TMEM143: variants seen among roughly 807,000 people sequenced by gnomAD.
TMEM143 encodes transmembrane protein 143.
Under a neutral mutation model 40.3 loss-of-function variants are expected in TMEM143, and 45 were observed. The ratio of observed to expected loss-of-function variants is 1.12; its 90% CI spans 0.88 to 1.43. The LOEUF is 1.43. Ranked by LOEUF, TMEM143 falls within the 40% of genes most tolerant of loss-of-function variation. TMEM143 has a pLI of 0.00. For missense variants in TMEM143, 620 were observed against 613.4 expected (o/e 1.01, Z -0.11); for synonymous variants, 299 against 282.7 (o/e 1.06, Z -0.58).
intron 3 of TMEM143, among the ~76,000 whole-genome samples, chr19:48,348,915 C>T (rs1263234888): frequency 6.6e-6 from 1 of 152,174 alleles, no homozygotes; most frequent in African/African-American, 2.4e-5. Context: ...ATTGCTCATG[C>T]CTGTAATCCC....
At chr19:48,352,724 A>G (rs1023629247) in intron 3 of TMEM143, among the ~76,000 whole-genome samples, 1 of 151,790 alleles carries the variant, frequency 6.6e-6, no homozygotes, top group South Asian at 2.1e-4. Flanking sequence ...GCAGTGAGCC[A>G]AGATCACACC....
intron 3 of TMEM143, among the ~76,000 whole-genome samples, chr19:48,346,808 C>A (rs951416252): frequency 6.6e-6 from 1 of 152,096 alleles, no homozygotes; most frequent in Non-Finnish European, 1.5e-5. Context: ...GAACTCCTGA[C>A]CTCAAGCGAT....
chr19:48,357,626 G>A (rs997329468), intron 3 of TMEM143, among the ~76,000 whole-genome samples: 1 of 151,978 alleles, frequency 6.6e-6, no homozygotes, highest in Admixed American at 6.6e-5. Context: ...AAAGTGCTGG[G>A]ATTACAGGCA....
rs1206948139 is a variant in TMEM143 at position 48,334,028 on chromosome 19, C to T, written c.1145G>A (p.Gly382Asp). The change falls in exon 7 of 8, where the codon GGC (glycine) becomes GAC (aspartate). Residue 382 changes from glycine to aspartate, a missense_variant. Transcript: ENST00000293261. ...CCTACCTTCGGGCGAGCCTTGAGTG[C>T]CCCCTGGCCGCCGGGCCAGGAAGCT... is the stretch of plus-strand genomic sequence containing the variant. ...AHSFLARRPGGTQGSPEETSR... is the reference protein window; with the variant it reads ...AHSFLARRPGDTQGSPEETSR... 2 of 1,559,828 alleles carry T rather than the reference C, an allele frequency of 1.3e-6. No individual in the cohort carries two copies. The highest frequency in any genetic ancestry group is 1.7e-6 in the Non-Finnish European group (2 of 1,155,540).
At position 48,332,503 on chromosome 19, in the gene TMEM143, A is replaced by AC. The variant is rs1405452804; in HGVS notation, c.*715dup. 6.6e-6 allele frequency: 1 copy of AC among 152,020 alleles called. No individual in the cohort carries two copies. The highest frequency in any genetic ancestry group is 1.5e-5 in the Non-Finnish European group (1 of 68,006). 9.4% of individuals were successfully genotyped at this position (152,020 alleles called of 1,614,324 possible). On this transcript the variant is annotated 3_prime_UTR_variant, in exon 8 of 8. Transcript: ENST00000293261. Reference sequence around the variant, plus strand: ...GGTGAAAGACCTGGGCGAGGAAGGCACCTGAGGTTGCCGGGAGCCAGGTTG... The same window carrying AC: ...GGTGAAAGACCTGGGCGAGGAAGGCACCCTGAGGTTGCCGGGAGCCAGGTTG...
intron 3 of TMEM143, among the ~76,000 whole-genome samples, chr19:48,349,032 A>G (rs1969707543): frequency 6.6e-6 from 1 of 152,082 alleles, no homozygotes; most frequent in African/African-American, 2.4e-5. Flanking sequence ...ATACATTTAT[A>G]TATATAAAAA....
Position 48,363,284 on chromosome 19 carries a change from G to A in TMEM143, c.264+7C>T. 1 of 1,612,276 alleles carries A rather than the reference G, an allele frequency of 6.2e-7. No individual in the cohort carries two copies. The highest frequency in any genetic ancestry group is 8.5e-7 in the Non-Finnish European group (1 of 1,179,060). On this transcript the variant is annotated splice_region_variant and intron_variant, in intron 2 of 7. Coordinates refer to ENST00000293261, the MANE Select transcript of TMEM143 (RefSeq NM_018273.4). ...CCCCAGGCTCTTGGGCCTGGGACAG[G>A]CGGTACCTGTATTAGGAGGCGGAGC...
chr19:48,340,097 C>CA (rs1969456266), intron 6 of TMEM143, among the ~76,000 whole-genome samples: 1 of 148,412 alleles, frequency 6.7e-6, no homozygotes, highest in Non-Finnish European at 1.5e-5. Flanking sequence ...TTCATGAATA[C>CA]ACTAAATTAA....
chr19:48,343,305 A>C lies in TMEM143; in HGVS notation c.695+16T>G, dbSNP rs770482552. 25 of 1,607,562 alleles carry C rather than the reference A, an allele frequency of 1.6e-5. No individual in the cohort carries two copies. The South Asian group carries it at 2.7e-4, about 17-fold the overall frequency. ...TGCTCCCTCTTGCTGCAGCTGGGGA[A>C]CAAGGGCCGCCTCACCTCTCCGCAG... On this transcript the variant is annotated intron_variant, in intron 5 of 7. Transcript: ENST00000293261.
At chr19:48,355,313 G>GA (rs1452893730) in intron 3 of TMEM143, among the ~76,000 whole-genome samples, 1 of 151,930 alleles carries the variant, frequency 6.6e-6, no homozygotes, top group African/African-American at 2.4e-5. Context: ...TCACAGACAA[G>GA]ACATACCAAG....
chr19:48,342,217 GGAA>G (rs552828070), intron 6 of TMEM143, among the ~76,000 whole-genome samples: 99 of 135,550 alleles, frequency 7.3e-4, no homozygotes, highest in African/African-American at 2.6e-3. Context: ...AGGGGAAGAA[GGAA>G]GGGAAGGGAA....
At chr19:48,348,125 C>T (rs982464011) in intron 3 of TMEM143, among the ~76,000 whole-genome samples, 2 of 152,060 alleles carry the variant, frequency 1.3e-5, no homozygotes, top group African/African-American at 2.4e-5. Flanking sequence ...CTAGGCTGGT[C>T]GAGCAGTTCT....
At chr19:48,350,919 C>CAAAAA (rs71181680) in intron 3 of TMEM143, among the ~76,000 whole-genome samples, 2 of 88,242 alleles carry the variant, frequency 2.3e-5, no homozygotes, top group African/African-American at 4.5e-5. Flanking sequence ...GACTACATCT[C>CAAAAA]AAAAAAAAAA....
At chr19:48,336,397 C>T (rs1969367284) in intron 6 of TMEM143, among the ~76,000 whole-genome samples, 2 of 151,928 alleles carry the variant, frequency 1.3e-5, no homozygotes, top group South Asian at 4.2e-4. Context: ...TGGTGACAGG[C>T]ACCTGTAATC....
intron 2 of TMEM143, chr19:48,360,468 C>T (rs1225628967): frequency 3.1e-6 from 1 of 317,556 alleles, no homozygotes; most frequent in Non-Finnish European, 5.9e-6. Flanking sequence ...GTCCCAGCTA[C>T]TCAGGAGGCT....
intron 6 of TMEM143, among the ~76,000 whole-genome samples, chr19:48,336,873 T>C (rs1969381560): frequency 6.6e-6 from 1 of 150,790 alleles, no homozygotes; most frequent in African/African-American, 2.4e-5. Flanking sequence ...AAAACAAAAT[T>C]AGCTGGGCGT....
At chr19:48,351,416 G>GTCCCCA (rs2147376361) in intron 3 of TMEM143, among the ~76,000 whole-genome samples, 1 of 152,008 alleles carries the variant, frequency 6.6e-6, no homozygotes, top group South Asian at 2.1e-4. Context: ...TCCCCGCCCC[G>GTCCCCA]TCCCCATCCC....
At chr19:48,362,255 G>A (rs1266320515) in intron 2 of TMEM143, among the ~76,000 whole-genome samples, 1 of 152,090 alleles carries the variant, frequency 6.6e-6, no homozygotes, top group Non-Finnish European at 1.5e-5. Context: ...ATTAATGAAT[G>A]ATGGTGAGGT....
intron 6 of TMEM143, among the ~76,000 whole-genome samples, chr19:48,337,627 C>G (rs913415262): frequency 6.6e-6 from 1 of 151,908 alleles, no homozygotes; most frequent in Non-Finnish European, 1.5e-5. Flanking sequence ...TACTATGGAA[C>G]AGTCACCCAC....
Sources: gnomAD v4.1 joint callset for allele counts (sites outside exome capture counted in the v4.1 genomes callset) on GRCh38, gnomAD v4.1.1 for gene constraint, MANE v1.5 for transcripts, NCBI Gene and HGNC (gene_info 2026-07-23, HGNC 2026-07-21) for gene names.